Variants in TOX observed in about 807,000 individuals in gnomAD.
TOX encodes thymocyte selection associated high mobility group box, also known as thymocyte selection-associated high mobility group box protein TOX.
A neutral mutation model predicts 53.7 loss-of-function variants in TOX; 11 were observed. The observed-to-expected ratio is 0.20, with a 90% CI of 0.13 to 0.34. The LOEUF is 0.34. Ranked by LOEUF, TOX falls within the 10% of genes least tolerant of loss-of-function variation. The pLI is 1.00. For missense variants in TOX, 570 were observed against 664.6 expected, an observed-to-expected ratio of 0.86 and a Z score of 1.56; for synonymous variants, 225 against 245.3, an observed-to-expected ratio of 0.92 and a Z score of 0.77.
chr8:59,062,585 T>C (rs114405805), intron 1 of TOX, among the ~76,000 whole-genome samples: 7 of 152,336 alleles, frequency 4.6e-5, no homozygotes, highest in Admixed American at 2.0e-4. Flanking sequence ...AATGATGAAC[T>C]GTTCTAAGCA....
At chr8:58,883,980 C>G (rs1811428113) in intron 3 of TOX, among the ~76,000 whole-genome samples, 1 of 152,034 alleles carries the variant, frequency 6.6e-6, no homozygotes, top group South Asian at 2.1e-4. Context: ...GTTTTAAAAG[C>G]CTCACAGGTC....
chr8:59,081,273 T>A (rs1441107277), intron 1 of TOX, among the ~76,000 whole-genome samples: 1 of 152,102 alleles, frequency 6.6e-6, no homozygotes, highest in African/African-American at 2.4e-5. Context: ...GTGATCTGCC[T>A]GCCTCAGCCT....
chr8:59,104,529 T>C (rs2129424588), intron 1 of TOX, among the ~76,000 whole-genome samples: 1 of 152,304 alleles, frequency 6.6e-6, no homozygotes, highest in Middle Eastern at 3.4e-3. Flanking sequence ...TAATCAGAAC[T>C]CTGTCACTCA....
chr8:59,085,942 T>C (rs16924578), intron 1 of TOX, among the ~76,000 whole-genome samples: 2,403 of 151,550 alleles, frequency 0.016, 58 homozygotes, highest in African/African-American at 0.055. Flanking sequence ...ACAAAACCCA[T>C]AGAGTACTTT....
intron 1 of TOX, among the ~76,000 whole-genome samples, chr8:59,112,228 GC>G (rs2129425030): frequency 6.6e-6 from 1 of 152,276 alleles, no homozygotes; most frequent in South Asian, 2.1e-4. Context: ...CAAAATGAAT[GC>G]TGTAGGGAGA....
Position 59,118,362 on chromosome 8 carries a change from G to A in TOX, c.102+524C>T, listed in dbSNP as rs1346957504. ...GTTTGAGAAAACAAAAGAGTTGTGGGGCAGTTTTCCCTGTGGGGGGCAGGG... is the reference window on the plus strand; with the variant it reads ...GTTTGAGAAAACAAAAGAGTTGTGGAGCAGTTTTCCCTGTGGGGGGCAGGG... On this transcript the variant is annotated intron_variant, in intron 1 of 8. Transcript: ENST00000361421. The surrounding 1 kb of genome is among the most constrained non-coding windows in gnomAD (Gnocchi z 4.1). Among the ~76,000 whole-genome samples the A allele has an allele frequency of 6.6e-6, 1 of 152,196 alleles. No homozygotes were observed. The highest frequency in any genetic ancestry group is 1.5e-5 in the Non-Finnish European group (1 of 68,050).
At chr8:58,852,933 G>A (rs983132445) in intron 3 of TOX, among the ~76,000 whole-genome samples, 3 of 152,160 alleles carry the variant, frequency 2.0e-5, no homozygotes, top group East Asian at 1.9e-4. Context: ...TTATTGTGAC[G>A]TGAAAATACT....
chr8:59,114,005 C>T (rs879588625), intron 1 of TOX, among the ~76,000 whole-genome samples: 2 of 152,128 alleles, frequency 1.3e-5, no homozygotes, highest in African/African-American at 2.4e-5. Flanking sequence ...TCACAAAAAA[C>T]GTATGACCAC....
At chr8:59,019,336 G>A (rs1434651909) in intron 1 of TOX, among the ~76,000 whole-genome samples, 3 of 152,126 alleles carry the variant, frequency 2.0e-5, no homozygotes, top group Non-Finnish European at 4.4e-5. Context: ...ATTAAAGCCA[G>A]ATTATTAGCA....
At chr8:59,102,893 A>T (rs980195833) in intron 1 of TOX, among the ~76,000 whole-genome samples, 3 of 151,958 alleles carry the variant, frequency 2.0e-5, no homozygotes, top group African/African-American at 4.8e-5. Flanking sequence ...CCCCCACTTC[A>T]CCCCCAAACT....
chr8:58,848,468 T>A (rs1353553924), intron 4 of TOX, among the ~76,000 whole-genome samples: 1 of 151,990 alleles, frequency 6.6e-6, no homozygotes, highest in Non-Finnish European at 1.5e-5. Context: ...TAAGAGACAC[T>A]CAGATAAAAC....
chr8:58,906,191 T>A (rs779504333), intron 3 of TOX, among the ~76,000 whole-genome samples: 1 of 152,122 alleles, frequency 6.6e-6, no homozygotes, highest in Non-Finnish European at 1.5e-5. Context: ...TTTCAAACAC[T>A]GTGTTTGGTC....
intron 3 of TOX, among the ~76,000 whole-genome samples, chr8:58,877,274 C>T (rs1179615159): frequency 1.3e-5 from 2 of 151,956 alleles, no homozygotes; most frequent in South Asian, 2.1e-4. Context: ...AAGTGATTTT[C>T]CTATAAACAT....
chr8:59,104,549 A>C (rs1350189236), intron 1 of TOX, among the ~76,000 whole-genome samples: 1 of 152,160 alleles, frequency 6.6e-6, no homozygotes, highest in African/African-American at 2.4e-5. Flanking sequence ...ATGTATTTCC[A>C]GTTTTGCTCA....
At chr8:58,858,709 C>G (rs527343084) in intron 3 of TOX, among the ~76,000 whole-genome samples, 1 of 152,184 alleles carries the variant, frequency 6.6e-6, no homozygotes, top group African/African-American at 2.4e-5. Flanking sequence ...AATAAGGAGA[C>G]CCTGCTGGCT....
intron 1 of TOX, among the ~76,000 whole-genome samples, chr8:58,961,529 A>C (rs1223991454): frequency 1.1e-4 from 16 of 148,298 alleles, no homozygotes; most frequent in Non-Finnish European, 1.8e-4. Context: ...GAACAGGTGA[A>C]CTCTTTTTTT....
At chr8:58,840,835 T>C (rs1352080872) in intron 4 of TOX, among the ~76,000 whole-genome samples, 2 of 113,442 alleles carry the variant, frequency 1.8e-5, no homozygotes, top group African/African-American at 1.1e-4. Context: ...CTGAATCCAG[T>C]GGATGCTTGA....
Position 58,851,670 on chromosome 8 carries a change from T to A in TOX, c.547A>T (p.Asn183Tyr), listed in dbSNP as rs1288314851. The change falls in exon 4 of 9, where the codon AAC becomes TAC. Residue 183 changes from asparagine (N) to tyrosine (Y), a missense_variant. Around this residue, in one of 3 missense-constraint regions of TOX, gnomAD observed 282 missense variants for 315.0 expected, o/e 0.90. Transcript: ENST00000361421. This position sits in a 1 kb window ranked among gnomAD's most constrained non-coding sequence, Gnocchi z 4.4. ...MMPHGQLTTI[N>Y]QSQLSAQLGL... ...AGTTGAGCACTTAGCTGTGACTGGT[T>A]AATGGTAGTCAGCTGGCCATGTGGC... 1 of 1,613,730 alleles carries A rather than the reference T, an allele frequency of 6.2e-7. No homozygotes were observed. Among genetic ancestry groups the A allele is most frequent in the Admixed American group, 1.7e-5 (1 of 59,936 alleles).
At chr8:59,071,367 A>G (rs1381310918) in intron 1 of TOX, among the ~76,000 whole-genome samples, 1 of 152,162 alleles carries the variant, frequency 6.6e-6, no homozygotes, top group Admixed American at 6.5e-5. Context: ...CTTCATATGG[A>G]ATGCTCTCCA....
Sources: gnomAD v4.1 joint callset for allele counts (sites outside exome capture counted in the v4.1 genomes callset) on GRCh38, gnomAD v4.1.1 for gene constraint, gnomAD v4.1.1 regional missense constraint, Gnocchi (gnomAD v3.1) non-coding constraint, MANE v1.5 for transcripts, NCBI Gene and HGNC (gene_info 2026-07-23, HGNC 2026-07-21) for gene names.